Variants in SLX4IP observed in about 807,000 individuals in gnomAD.
The protein encoded by SLX4IP is protein SLX4IP.
In SLX4IP, 34 loss-of-function variants were observed where a neutral mutation model predicts 32.9. That is an observed-to-expected ratio of 1.03 (90% CI 0.79 to 1.38). The LOEUF is 1.38. SLX4IP is among the 40% of genes most tolerant of loss of function. SLX4IP has a pLI of 0.00. For missense variants in SLX4IP, 444 were observed against 479.0 expected (o/e 0.93, Z 0.68); for synonymous variants, 172 against 171.7 (o/e 1.00, Z -0.01).
chr20:10,559,127 TA>T lies in SLX4IP; in HGVS notation c.118-1560del, dbSNP rs113553367. 3.4e-4 allele frequency among the ~76,000 whole-genome samples: 50 copies of T among 146,432 alleles called. No individual in the cohort carries two copies. The East Asian group carries it at 3.8e-3, about 11-fold the overall frequency. ...GAAGCAAAATTCTTTAATTGTTTTT[TA>T]AAAAAAAAAAAACCTATGAGGCGGC... On this transcript the variant is annotated intron_variant, in intron 3 of 7. Transcript: ENST00000334534.
chr20:10,592,783 T>C (rs773527687), intron 4 of SLX4IP, among the ~76,000 whole-genome samples: 33 of 151,780 alleles, frequency 2.2e-4, no homozygotes, highest in Non-Finnish European at 4.7e-4. Flanking sequence ...TACAGGTGCG[T>C]GCCACCACGC....
At chr20:10,513,819 G>A (rs2122434813) in intron 2 of SLX4IP, among the ~76,000 whole-genome samples, 2 of 152,304 alleles carry the variant, frequency 1.3e-5, no homozygotes, top group South Asian at 4.1e-4. Flanking sequence ...GTGCATCTCT[G>A]TGGGACACCT....
chr20:10,465,290 C>T (rs554173045), intron 2 of SLX4IP, among the ~76,000 whole-genome samples: 105 of 152,204 alleles, frequency 6.9e-4, no homozygotes, highest in African/African-American at 2.5e-3. Flanking sequence ...CAAATTACAG[C>T]CCACATGCCA....
At chr20:10,511,617 TTCTTTGATGCTCACCACCTC>T (rs1374164680) in intron 2 of SLX4IP, among the ~76,000 whole-genome samples, 1 of 152,256 alleles carries the variant, frequency 6.6e-6, no homozygotes, top group African/African-American at 2.4e-5. Context: ...GTGTTCCATC[TTCTTTGATGCTCACCACCTC>T]CCTGTGAGGA....
intron 2 of SLX4IP, among the ~76,000 whole-genome samples, chr20:10,518,555 C>A (rs1191163037): frequency 1.8e-5 from 2 of 109,692 alleles, no homozygotes; most frequent in Non-Finnish European, 3.8e-5. Context: ...CCTTCCTTTC[C>A]TTCTTTCTTT....
At chr20:10,569,135 T>G (rs1014399785) in intron 4 of SLX4IP, among the ~76,000 whole-genome samples, 1 of 151,736 alleles carries the variant, frequency 6.6e-6, no homozygotes, top group African/African-American at 2.4e-5. Context: ...ATCTGGAGAC[T>G]GGCCAGGTGG....
intron 3 of SLX4IP, among the ~76,000 whole-genome samples, chr20:10,557,342 G>C (rs1157359501): frequency 6.6e-6 from 1 of 152,122 alleles, no homozygotes; most frequent in Non-Finnish European, 1.5e-5. Context: ...AGACTTTGCT[G>C]TCATTATTTT....
At chr20:10,570,904 A>G (rs929443154) in intron 4 of SLX4IP, among the ~76,000 whole-genome samples, 19 of 152,144 alleles carry the variant, frequency 1.2e-4, no homozygotes, top group African/African-American at 4.1e-4. Flanking sequence ...GTCGTGGCTC[A>G]TGGCAGCCTC....
At chr20:10,618,516 C>T (rs576031512) in intron 6 of SLX4IP, among the ~76,000 whole-genome samples, 2 of 152,282 alleles carry the variant, frequency 1.3e-5, no homozygotes, top group Non-Finnish European at 1.5e-5. Context: ...TAAGAGCTAC[C>T]TTCCAGGTTG....
chr20:10,463,416 G>A (rs773128340), intron 2 of SLX4IP, among the ~76,000 whole-genome samples: 28 of 152,212 alleles, frequency 1.8e-4, no homozygotes, highest in East Asian at 1.7e-3. Context: ...GAGAGATAAC[G>A]GATTGAGAGG....
intron 2 of SLX4IP, among the ~76,000 whole-genome samples, chr20:10,479,497 C>T (rs374487213): frequency 1.1e-4 from 16 of 151,230 alleles, no homozygotes; most frequent in African/African-American, 3.2e-4. Flanking sequence ...AGACTACAGG[C>T]GTGCACCACC....
chr20:10,481,160 G>A (rs1157982380), intron 2 of SLX4IP, among the ~76,000 whole-genome samples: 6 of 151,766 alleles, frequency 4.0e-5, no homozygotes, highest in Admixed American at 2.6e-4. Context: ...TTTAAAAAAG[G>A]TTTGTATAAA....
Position 10,549,425 on chromosome 20 carries a change from G to C in SLX4IP, c.28-6806G>C, listed in dbSNP as rs919466740. 3.3e-5 allele frequency among the ~76,000 whole-genome samples: 5 copies of C among 152,190 alleles called. 1 individual carries two copies. The highest frequency in any genetic ancestry group is 1.2e-4 in the African/African-American group (5 of 41,464). ...CCAGGGAAAGGAGCTGTGGGACCCT[G>C]TTGAGAATCCCTGGTGCAGTCACCA... On this transcript the variant is annotated intron_variant, in intron 2 of 7. Coordinates refer to ENST00000334534, the MANE Select transcript of SLX4IP (RefSeq NM_001009608.3).
chr20:10,475,011 G>A (rs1008785470), intron 2 of SLX4IP, among the ~76,000 whole-genome samples: 1 of 152,122 alleles, frequency 6.6e-6, no homozygotes, highest in African/African-American at 2.4e-5. Flanking sequence ...GCCTTCTTTG[G>A]GCAAGCACGT....
At position 10,604,301 on chromosome 20, in the gene SLX4IP, G is replaced by T. The variant is rs186159633; in HGVS notation, c.405+2482G>T. Among the ~76,000 whole-genome samples, 188 of 152,352 alleles carry T rather than the reference G, an allele frequency of 1.2e-3. 1 individual carries two copies. Among genetic ancestry groups the T allele is most frequent in the African/African-American group, 4.3e-3 (180 of 41,580 alleles). Reference sequence around the variant, plus strand: ...TATTGACTTAACTCACTCTTCTGCAGCCACAGAAGTGACAGAGGAGTGAAC... The same window carrying T: ...TATTGACTTAACTCACTCTTCTGCATCCACAGAAGTGACAGAGGAGTGAAC... On this transcript the variant is annotated intron_variant, in intron 6 of 7. Coordinates refer to ENST00000334534, the MANE Select transcript of SLX4IP (RefSeq NM_001009608.3).
At chr20:10,606,747 A>G (rs138881596) in intron 6 of SLX4IP, among the ~76,000 whole-genome samples, 1 of 152,348 alleles carries the variant, frequency 6.6e-6, no homozygotes, top group African/African-American at 2.4e-5. Flanking sequence ...TCTGGATGGT[A>G]TCTCTTCATA....
At chr20:10,570,820 C>T (rs1286859464) in intron 4 of SLX4IP, among the ~76,000 whole-genome samples, 12 of 152,004 alleles carry the variant, frequency 7.9e-5, no homozygotes, top group East Asian at 3.9e-4. Context: ...TGAGCCACCA[C>T]GCCCAGCCAC....
chr20:10,572,303 A>G (rs560402311), intron 4 of SLX4IP, among the ~76,000 whole-genome samples: 8 of 152,350 alleles, frequency 5.3e-5, no homozygotes, highest in African/African-American at 1.9e-4. Context: ...ATCCCTATTA[A>G]GGAGAGTATT....
At chr20:10,503,254 C>T (rs574057348) in intron 2 of SLX4IP, among the ~76,000 whole-genome samples, 36 of 152,272 alleles carry the variant, frequency 2.4e-4, no homozygotes, top group Admixed American at 1.8e-3. Context: ...GCCTGCTGTC[C>T]GCCAGAGGTC....
Sources: allele counts gnomAD v4.1 joint callset (sites outside exome capture counted in the v4.1 genomes callset), GRCh38; gene constraint gnomAD v4.1.1; transcripts MANE v1.5; gene names NCBI Gene and HGNC (gene_info 2026-07-23, HGNC 2026-07-21).